Variants in SBF2 observed in about 807,000 individuals in gnomAD.
The protein encoded by SBF2 is myotubularin-related protein 13.
SBF2 carries 112 observed loss-of-function variants against 225.2 expected under a neutral mutation model. That is an observed-to-expected ratio of 0.50 (90% CI 0.43 to 0.58). SBF2 has a LOEUF of 0.58. Among genes scored for constraint, SBF2 ranks in the 20% least tolerant of loss-of-function variants. SBF2 has a pLI of 0.00. For missense variants in SBF2, 1,996 were observed against 2,206.2 expected (o/e 0.90, Z 1.91); for synonymous variants, 763 against 773.3 (o/e 0.99, Z 0.22).
rs565146392 is a variant in SBF2, at chr11:10,161,738, C to A, written c.141+32164G>T. On this transcript the variant is annotated intron_variant, in intron 2 of 39. Transcript: ENST00000256190. ...TGGTGGCTCACGCCAGTAATCCCAACAAGGATTGCTTGAGGCTAAGAGCTC... is the reference window on the plus strand; with the variant it reads ...TGGTGGCTCACGCCAGTAATCCCAAAAAGGATTGCTTGAGGCTAAGAGCTC... Among the ~76,000 whole-genome samples, 152 of 148,272 alleles carry A rather than the reference C, an allele frequency of 1.0e-3. 1 individual carries two copies. Among genetic ancestry groups the A allele is most frequent in the Non-Finnish European group, 1.5e-3 (100 of 67,628 alleles).
chr11:9,828,612 T>A, intron 28 of SBF2: 1 of 985,278 alleles, frequency 1.0e-6, no homozygotes, highest in Non-Finnish European at 1.2e-6. Flanking sequence ...ATGAACCCTT[T>A]GGGGTTCCAT....
intron 2 of SBF2, among the ~76,000 whole-genome samples, chr11:10,117,920 C>T (rs61520995): frequency 0.18 from 27,233 of 151,958 alleles, 2,607 homozygotes; most frequent in East Asian, 0.28. Flanking sequence ...AAAGTTCTTT[C>T]TCTGGAATTC....
At chr11:9,879,833 C>T (rs1859590646) in intron 17 of SBF2, among the ~76,000 whole-genome samples, 1 of 152,030 alleles carries the variant, frequency 6.6e-6, no homozygotes, top group Non-Finnish European at 1.5e-5. Flanking sequence ...TCTGTAATCC[C>T]AGCACTTTGG....
intron 2 of SBF2, among the ~76,000 whole-genome samples, chr11:10,098,303 A>T (rs1048148911): frequency 6.6e-6 from 1 of 152,010 alleles, no homozygotes; most frequent in Non-Finnish European, 1.5e-5. Context: ...TTCTTCCCTG[A>T]AAAAGGGAAG....
intron 1 of SBF2, among the ~76,000 whole-genome samples, chr11:10,258,153 T>C (rs2135505246): frequency 6.6e-6 from 1 of 151,146 alleles, no homozygotes. Context: ...TCACCTGGGC[T>C]AGAATGAGTG....
At chr11:10,144,154 C>T (rs377757251) in intron 2 of SBF2, among the ~76,000 whole-genome samples, 1 of 152,148 alleles carries the variant, frequency 6.6e-6, no homozygotes, top group East Asian at 1.9e-4. Context: ...AATATATGCA[C>T]GTAGCCAAAA....
intron 17 of SBF2, among the ~76,000 whole-genome samples, chr11:9,890,884 A>C (rs1452254082): frequency 6.6e-6 from 1 of 152,126 alleles, no homozygotes; most frequent in Admixed American, 6.5e-5. Context: ...CTGTAATCCC[A>C]GCACTTTGGG....
intron 17 of SBF2, among the ~76,000 whole-genome samples, chr11:9,885,790 G>C (rs567266226): frequency 6.6e-6 from 1 of 152,234 alleles, no homozygotes; most frequent in South Asian, 2.1e-4. Flanking sequence ...GGAATTATTT[G>C]ATGGTCCTGG....
chr11:10,273,402 G>C (rs1016554965), intron 1 of SBF2, among the ~76,000 whole-genome samples: 2 of 152,106 alleles, frequency 1.3e-5, no homozygotes, highest in African/African-American at 4.8e-5. Context: ...ATCATTATTT[G>C]TTCAGATTAA....
intron 26 of SBF2, among the ~76,000 whole-genome samples, chr11:9,835,905 T>C (rs1224652140): frequency 1.3e-5 from 2 of 152,116 alleles, no homozygotes; most frequent in Admixed American, 1.3e-4. Flanking sequence ...TTATTAAGAA[T>C]GTTGCCATGA....
intron 1 of SBF2, among the ~76,000 whole-genome samples, chr11:10,274,526 G>A (rs1369622998): frequency 6.6e-6 from 1 of 152,068 alleles, no homozygotes; most frequent in African/African-American, 2.4e-5. Context: ...CGAGGCAGAC[G>A]GATCACCTGA....
At chr11:9,971,413 A>AT (rs140427510) in intron 13 of SBF2, among the ~76,000 whole-genome samples, 1,948 of 152,216 alleles carry the variant, frequency 0.013, 42 homozygotes, top group African/African-American at 0.044. Context: ...ACAGTGTCTT[A>AT]TGCTTATGTA....
At chr11:9,911,317 G>C (rs1481528873) in intron 16 of SBF2, among the ~76,000 whole-genome samples, 1 of 150,742 alleles carries the variant, frequency 6.6e-6, no homozygotes, top group Non-Finnish European at 1.5e-5. Flanking sequence ...CAAGGAGGCA[G>C]AAGTTTCAGT....
chr11:10,211,627 T>C (rs1957947323), intron 1 of SBF2, among the ~76,000 whole-genome samples: 1 of 152,194 alleles, frequency 6.6e-6, no homozygotes, highest in Non-Finnish European at 1.5e-5. Context: ...ATTAGCATGA[T>C]GTCATCACTG....
At chr11:10,248,481 G>A (rs1960022241) in intron 1 of SBF2, among the ~76,000 whole-genome samples, 1 of 152,220 alleles carries the variant, frequency 6.6e-6, no homozygotes, top group Non-Finnish European at 1.5e-5. Flanking sequence ...GCTGGAAAGA[G>A]TCAGACCTTA....
At chr11:9,854,839 C>T (rs1315788230) in intron 19 of SBF2, among the ~76,000 whole-genome samples, 4 of 152,222 alleles carry the variant, frequency 2.6e-5, no homozygotes, top group African/African-American at 4.8e-5. Context: ...AATCCTCCCA[C>T]TTCGGTCTCC....
chr11:10,153,881 T>C (rs553862986), intron 2 of SBF2, among the ~76,000 whole-genome samples: 9 of 152,240 alleles, frequency 5.9e-5, no homozygotes, highest in African/African-American at 1.7e-4. Flanking sequence ...TTTGTTAATA[T>C]GCTTATTCAG....
In SBF2 at chr11:10,224,376, C is replaced by T. The variant is rs115687141; in HGVS notation, c.56-30389G>A. Among the ~76,000 whole-genome samples, 604 of 152,202 alleles carry T rather than the reference C, an allele frequency of 4.0e-3. 3 individuals carry two copies. The highest frequency in any genetic ancestry group is 0.027 in the Middle Eastern group (8 of 294). ...ATCACTTCTTATTAGTCTCCCCACT[C>T]CCCATCCATAATTCTCACAACAGCC... On this transcript the variant is annotated intron_variant, in intron 1 of 39. Transcript: ENST00000256190.
At chr11:9,914,682 A>G (rs369759014) in intron 16 of SBF2, among the ~76,000 whole-genome samples, 1 of 152,190 alleles carries the variant, frequency 6.6e-6, no homozygotes, top group Non-Finnish European at 1.5e-5. Context: ...GAAATAACTG[A>G]TAAGTGAGGC....
Sources: allele counts gnomAD v4.1 joint callset (sites outside exome capture counted in the v4.1 genomes callset), GRCh38; gene constraint gnomAD v4.1.1; transcripts MANE v1.5; gene names NCBI Gene and HGNC (gene_info 2026-07-23, HGNC 2026-07-21).